The following CABIN1 variants were observed in gnomAD, a reference collection of about 807,000 sequenced individuals.
The protein encoded by CABIN1 is calcineurin-binding protein cabin-1.
A neutral mutation model predicts 227.7 loss-of-function variants in CABIN1; 133 were observed. That is an observed-to-expected ratio of 0.58 (90% CI 0.51 to 0.67). The LOEUF is 0.67. Ranked by LOEUF, CABIN1 falls within the 30% of genes least tolerant of loss-of-function variation. The pLI is 0.00. For missense variants in CABIN1, 2,408 were observed against 2,852.5 expected (o/e 0.84, Z 3.55); for synonymous variants, 1,086 against 1,155.1 (o/e 0.94, Z 1.21).
chr22:24,079,389 A>G (rs1332439707), intron 19 of CABIN1, among the ~76,000 whole-genome samples: 2 of 152,188 alleles, frequency 1.3e-5, no homozygotes, highest in African/African-American at 4.8e-5. Flanking sequence ...TTATGTATAC[A>G]TGTGAGAGTT....
intron 28 of CABIN1, among the ~76,000 whole-genome samples, chr22:24,120,333 A>T (rs551451333): frequency 6.6e-6 from 1 of 152,322 alleles, no homozygotes; most frequent in East Asian, 1.9e-4. Flanking sequence ...CCCCAGGCTT[A>T]AGTGCTTCCA....
At chr22:24,154,575 T>C (rs761437486) in intron 29 of CABIN1, among the ~76,000 whole-genome samples, 26 of 152,248 alleles carry the variant, frequency 1.7e-4, no homozygotes, top group Non-Finnish European at 2.9e-4. Context: ...CTTGTGCTCA[T>C]TGTGACTCCC....
chr22:24,086,248 C>T (rs1479089201), intron 22 of CABIN1, among the ~76,000 whole-genome samples: 3 of 152,242 alleles, frequency 2.0e-5, no homozygotes. Flanking sequence ...CAGGTTTCCT[C>T]GTCTGTTCCC....
chr22:24,173,226 T>C (rs2046927848), intron 34 of CABIN1: 1 of 152,178 alleles, frequency 6.6e-6, no homozygotes. Context: ...AGACAGCCAC[T>C]CTGCAGAAGT....
chr22:24,060,815 G>C (rs1436408191), intron 12 of CABIN1, among the ~76,000 whole-genome samples: 1 of 152,146 alleles, frequency 6.6e-6, no homozygotes, highest in Non-Finnish European at 1.5e-5. Flanking sequence ...CAGGAGAATG[G>C]TGTGAACCCG....
chr22:24,103,827 T>C (rs1009162802), intron 26 of CABIN1, among the ~76,000 whole-genome samples: 16 of 152,114 alleles, frequency 1.1e-4, no homozygotes, highest in Admixed American at 6.5e-5. Flanking sequence ...AAGATGATGG[T>C]GCCTTGATTC....
chr22:24,082,133 T>C (rs1428207728), intron 19 of CABIN1, among the ~76,000 whole-genome samples: 1 of 146,548 alleles, frequency 6.8e-6, no homozygotes, highest in Non-Finnish European at 1.5e-5. Context: ...CTGTTGCCCA[T>C]GCTAAGAGTG....
In CABIN1 at chr22:24,059,353, C is replaced by T. The variant is rs553650737; in HGVS notation, c.1389C>T (p.Phe463=). 406 of 1,614,184 alleles carry T rather than the reference C, an allele frequency of 2.5e-4. 2 individuals are homozygous for T. In the South Asian group the frequency reaches 2.9e-3, roughly 11 times the overall value. The part of the protein sequence containing the change: ...PQRLSFDSAT[F]MESEKQDVHE... ...GGCTGTCATTTGACTCAGCCACATT[C>T]ATGGAATCTGGTAGGAATCGAGCAG... The change falls in exon 11 of 37, where the codon TTC becomes TTT. Residue 463 remains phenylalanine (F), a synonymous_variant. Coordinates refer to ENST00000263119, the MANE Select transcript of CABIN1 (RefSeq NM_012295.4).
rs527251978 is a variant in CABIN1 at position 24,024,027 on chromosome 22, C to G, written c.-74-11417C>G. ...GGATTACAGACGTGAACTACCATGC[C>G]CAGTCATTTACCCATTTTTAAATTG... On this transcript the variant is annotated intron_variant, in intron 1 of 36. Transcript: ENST00000263119. Among the ~76,000 whole-genome samples, 4 of 152,224 alleles carry G rather than the reference C, an allele frequency of 2.6e-5. No individual in the cohort carries two copies. The South Asian group carries it at 8.3e-4, about 32-fold the overall frequency.
intron 33 of CABIN1, among the ~76,000 whole-genome samples, chr22:24,170,751 T>TCC (rs2046753252): frequency 4.1e-5 from 5 of 121,802 alleles, no homozygotes; most frequent in African/African-American, 1.1e-4. Flanking sequence ...GGTAGCAAAC[T>TCC]GCCCCCCCCC....
rs1322849005 is a variant in CABIN1, at chr22:24,011,375, C to T, written c.-75+8C>T. On this transcript the variant is annotated splice_region_variant and intron_variant, in intron 1 of 36. Coordinates refer to ENST00000263119, the MANE Select transcript of CABIN1 (RefSeq NM_012295.4). ...TTGCTGTGGAGACGCCTGGTGAGTT[C>T]CTGGAAGGCTGGTTTGAAGGCGGTG... 1 of 153,064 alleles carries T rather than the reference C, an allele frequency of 6.5e-6. No individual in the cohort carries two copies. Among genetic ancestry groups the T allele is most frequent in the Non-Finnish European group, 1.5e-5 (1 of 68,802 alleles). The allele number at this position is 153,064 out of a possible 1,614,324, so 9.5% of individuals were successfully genotyped here.
rs1173658962 is a variant in CABIN1 at position 24,177,724 on chromosome 22, C to T, written c.6426C>T (p.Thr2142=). 3.1e-6 allele frequency: 5 copies of T among 1,612,796 alleles called. No homozygotes were observed. The highest frequency in any genetic ancestry group is 4.2e-6 in the Non-Finnish European group (5 of 1,179,120). The change falls in exon 36 of 37, where the codon ACC becomes ACT. Residue 2142 remains threonine, a synonymous_variant. Transcript: ENST00000263119. The surrounding 1 kb of genome is among the most constrained non-coding windows in gnomAD (Gnocchi z 4.4). The part of the protein sequence containing the change: ...MPKLVIPSAA[T]KFPPEITVTP... ...AGCTGGTCATCCCCTCCGCCGCCAC[C>T]AAGTTCCCCCCTGAGATCACCGTCA... is the stretch of plus-strand genomic sequence containing the variant.
intron 1 of CABIN1, among the ~76,000 whole-genome samples, chr22:24,029,989 A>G (rs1380184529): frequency 2.0e-5 from 3 of 152,132 alleles, no homozygotes; most frequent in Non-Finnish European, 4.4e-5. Flanking sequence ...TCCCTATAAA[A>G]TGGGAGCTGG....
chr22:24,019,120 G>GTTTTTTTTTT (rs945660140), intron 1 of CABIN1, among the ~76,000 whole-genome samples: 1 of 40,176 alleles, frequency 2.5e-5, no homozygotes, highest in African/African-American at 1.0e-4. Flanking sequence ...ACTGAGTGTT[G>GTTTTTTTTTT]TTTTTTTTTT....
At chr22:24,019,242 T>C (rs1309358083) in intron 1 of CABIN1, among the ~76,000 whole-genome samples, 7 of 148,852 alleles carry the variant, frequency 4.7e-5, no homozygotes, top group African/African-American at 1.5e-4. Context: ...GTGATTCTCC[T>C]GCCTCAGCCT....
chr22:24,121,879 C>G (rs2043431020), intron 28 of CABIN1, among the ~76,000 whole-genome samples: 1 of 152,204 alleles, frequency 6.6e-6, no homozygotes, highest in African/African-American at 2.4e-5. Flanking sequence ...CTGGTGTTCC[C>G]TAGTAGTGAG....
intron 32 of CABIN1, among the ~76,000 whole-genome samples, chr22:24,168,046 C>T (rs2046557038): frequency 6.6e-6 from 1 of 152,208 alleles, no homozygotes; most frequent in African/African-American, 2.4e-5. Flanking sequence ...AATTTGAAGG[C>T]TTGGTTGGAG....
intron 10 of CABIN1, among the ~76,000 whole-genome samples, chr22:24,057,812 C>T (rs1161008591): frequency 1.3e-5 from 2 of 152,172 alleles, no homozygotes; most frequent in Non-Finnish European, 2.9e-5. Context: ...ATGAATTTTT[C>T]TTAAGGGGTA....
intron 16 of CABIN1, 95 bp downstream of exon 16, chr22:24,067,276 T>C (rs1201887562): frequency 7.8e-6 from 10 of 1,287,212 alleles, no homozygotes; most frequent in African/African-American, 7.4e-5. Context: ...TTCTTAAGAA[T>C]GTATAGCTAG....
Sources: allele counts gnomAD v4.1 joint callset (sites outside exome capture counted in the v4.1 genomes callset), GRCh38; gene constraint gnomAD v4.1.1; non-coding constraint Gnocchi (gnomAD v3.1); transcripts MANE v1.5; gene names NCBI Gene and HGNC (gene_info 2026-07-23, HGNC 2026-07-21).